Variants in PMFBP1 observed in about 807,000 individuals in gnomAD.
PMFBP1 encodes the protein polyamine modulated factor 1 binding protein 1, also known as polyamine-modulated factor 1-binding protein 1.
PMFBP1 carries 131 observed loss-of-function variants against 137.8 expected under a neutral mutation model. The observed-to-expected ratio is 0.95, with a 90% CI of 0.82 to 1.10. PMFBP1 has a LOEUF of 1.10. PMFBP1 is among the 50% of genes least tolerant of loss of function. The pLI, the probability that PMFBP1 is intolerant of heterozygous loss-of-function variation, is 0.00. For missense variants in PMFBP1, 1,199 were observed against 1,175.4 expected, an observed-to-expected ratio of 1.02 and a Z score of -0.29; for synonymous variants, 490 against 450.4, an observed-to-expected ratio of 1.09 and a Z score of -1.11.
At chr16:72,127,959 A>G (rs1253843962) in intron 14 of PMFBP1, among the ~76,000 whole-genome samples, 2 of 152,240 alleles carry the variant, frequency 1.3e-5, no homozygotes, top group South Asian at 4.1e-4. Flanking sequence ...CCAAGGTGTT[A>G]TATTTTTCTC....
the PMFBP1 span, among the ~76,000 whole-genome samples, chr16:72,240,714 C>T: frequency 2.8e-4 from 42 of 152,258 alleles, no homozygotes; most frequent in East Asian, 7.7e-4. Context: ...TGCTGTTCTC[C>T]GGCTGAGTGT....
At chr16:72,138,834 G>T (rs149456261) in intron 7 of PMFBP1, among the ~76,000 whole-genome samples, 1 of 145,864 alleles carries the variant, frequency 6.9e-6, no homozygotes. Flanking sequence ...CTTGCTATTT[G>T]TTTACATGGT....
In PMFBP1 at chr16:72,147,445, G is replaced by A. The variant is rs185296471; in HGVS notation, c.636+3163C>T. ...CCTAGAAGAAAACCTAGGCAATACC[G>A]TTCAGGACATAGGCACGGGCAAAGA... On this transcript the variant is annotated intron_variant, in intron 5 of 20. Transcript: ENST00000237353. Among the ~76,000 whole-genome samples, 730 of 152,136 alleles carry A rather than the reference G, an allele frequency of 4.8e-3. 8 individuals carry two copies. Among genetic ancestry groups the A allele is most frequent in the Middle Eastern group, 0.044 (13 of 294 alleles).
At chr16:72,171,951 C>G (rs975425998) in intron 1 of PMFBP1, 103 bp downstream of exon 1, 1 of 152,166 alleles carries the variant, frequency 6.6e-6, no homozygotes, top group Admixed American at 6.5e-5. Context: ...CATGTAAGTA[C>G]AGGATGATGC....
chr16:72,174,587 C>A (rs1295328683), upstream of PMFBP1, among the ~76,000 whole-genome samples: 1 of 152,078 alleles, frequency 6.6e-6, no homozygotes, highest in Non-Finnish European at 1.5e-5. Context: ...ATGGAAATAC[C>A]CGAAACTGGG....
chr16:72,119,548 G>C, intron 20 of PMFBP1, 194 bp from the exon 21 acceptor site: 1 of 1,459,154 alleles, frequency 6.9e-7, no homozygotes, highest in Non-Finnish European at 9.0e-7. Context: ...TGCTCTTACG[G>C]GGTTTCCAGA....
chr16:72,248,881 C>T, the PMFBP1 span, among the ~76,000 whole-genome samples: 1 of 152,128 alleles, frequency 6.6e-6, no homozygotes, highest in Non-Finnish European at 1.5e-5. Flanking sequence ...GTGTGAGATC[C>T]ATGGGAGGGC....
At position 72,136,708 on chromosome 16, in the gene PMFBP1, T is replaced by C. The variant is rs1405032962; in HGVS notation, c.1030A>G (p.Arg344Gly). The C allele has an allele frequency of 1.2e-6, 2 of 1,614,206 alleles. No individual in the cohort carries two copies. The highest frequency in any genetic ancestry group is 1.3e-5 in the African/African-American group (1 of 75,032). The change falls in exon 8 of 21, where the codon AGA becomes GGA. Residue 344 changes from arginine (R) to glycine (G), a missense_variant. By Grantham distance (125) the Arg-to-Gly change is moderately radical. Transcript: ENST00000237353. ...VELEAVSEQK[R>G]NIMKDMMKLE... ...CCCAGTTTACCCTTCATGATGTTTC[T>C]CTTCTGTTCCGACACGGCCTCTAGT...
intron 3 of PMFBP1, among the ~76,000 whole-genome samples, chr16:72,158,898 G>A (rs1329691852): frequency 6.6e-6 from 1 of 152,164 alleles, no homozygotes; most frequent in Non-Finnish European, 1.5e-5. Flanking sequence ...GGGAGGCTGA[G>A]GCGAGAGAAT....
chr16:72,152,993 G>A, intron 4 of PMFBP1, among the ~76,000 whole-genome samples: 1 of 152,100 alleles, frequency 6.6e-6, no homozygotes, highest in Non-Finnish European at 1.5e-5. Context: ...TGCCATAACA[G>A]CAACAGACCA....
At position 72,150,251 on chromosome 16, in the gene PMFBP1, G is replaced by T. The variant is rs542933206; in HGVS notation, c.636+357C>A. On this transcript the variant is annotated intron_variant, in intron 5 of 20. Coordinates refer to ENST00000237353, the MANE Select transcript of PMFBP1 (RefSeq NM_031293.3). ...GCTGTTGGTATTAACACCTGTGAAA[G>T]GAAGAGGGAGGAAGCAGGGTTGGGC... Among the ~76,000 whole-genome samples the T allele has an allele frequency of 3.9e-5, 6 of 152,268 alleles. No individual in the cohort carries two copies. In the East Asian group the frequency reaches 9.7e-4, roughly 25 times the overall value.
At chr16:72,187,205 T>C in the PMFBP1 span, among the ~76,000 whole-genome samples, 2 of 151,950 alleles carry the variant, frequency 1.3e-5, no homozygotes, top group Non-Finnish European at 2.9e-5. Flanking sequence ...AGATTGATAG[T>C]GGATGCGATT....
upstream of PMFBP1, among the ~76,000 whole-genome samples, chr16:72,174,851 G>A (rs2043252028): frequency 6.6e-6 from 1 of 152,176 alleles, no homozygotes; most frequent in African/African-American, 2.4e-5. Flanking sequence ...CACAACACAT[G>A]GGGATTGTGG....
chr16:72,218,834 G>A, the PMFBP1 span, among the ~76,000 whole-genome samples: 2 of 152,126 alleles, frequency 1.3e-5, no homozygotes, highest in Non-Finnish European at 2.9e-5. Context: ...TCAGGGAAAA[G>A]GTTGCATGCA....
chr16:72,185,066 C>G, the PMFBP1 span, among the ~76,000 whole-genome samples: 1 of 151,910 alleles, frequency 6.6e-6, no homozygotes, highest in Non-Finnish European at 1.5e-5. Flanking sequence ...CTGTGTCACC[C>G]AGGCTGGAGT....
At chr16:72,164,532 T>A in intron 3 of PMFBP1, 1 of 1,360,832 alleles carries the variant, frequency 7.3e-7, no homozygotes, top group Non-Finnish European at 1.0e-6. Context: ...ACATCGTGCC[T>A]AGGATGTACA....
the PMFBP1 span, among the ~76,000 whole-genome samples, chr16:72,228,389 G>C: frequency 1.3e-5 from 2 of 152,298 alleles, 1 homozygote; most frequent in African/African-American, 4.8e-5. Flanking sequence ...TGCCTGGAAT[G>C]TTCTTAACTC....
chr16:72,124,803 G>A lies in PMFBP1; in HGVS notation c.2553C>T (p.Ala851=), dbSNP rs375367081. The A allele has an allele frequency of 5.6e-6, 9 of 1,613,970 alleles. No individual in the cohort carries two copies. The South Asian group carries it at 6.6e-5, about 12-fold the overall frequency. ...CCTCAAGGAGGTTCTCTTTTAAGGC[G>A]GCCATCTCCTCCTGGAACTCCCTGA... ...EQLREFQEEM[A]ALKENLLEDD... The change falls in exon 17 of 21, where the codon GCC becomes GCT. Residue 851 remains alanine, a synonymous_variant. Transcript: ENST00000237353.
chr16:72,189,593 T>A, the PMFBP1 span, among the ~76,000 whole-genome samples: 1 of 152,194 alleles, frequency 6.6e-6, no homozygotes. Context: ...GAGTCCACAG[T>A]GTCAGCTGCT....
Sources: gnomAD v4.1 joint callset for allele counts (sites outside exome capture counted in the v4.1 genomes callset) on GRCh38, gnomAD v4.1.1 for gene constraint, MANE v1.5 for transcripts, NCBI Gene and HGNC (gene_info 2026-07-23, HGNC 2026-07-21) for gene names.